Variants in COMMD3 observed in about 807,000 individuals in gnomAD.
COMMD3 encodes the protein COMM domain containing 3.
COMMD3 carries 31 observed loss-of-function variants against 31.2 expected under a neutral mutation model. The ratio of observed to expected loss-of-function variants is 0.99; its 90% CI spans 0.75 to 1.34. The LOEUF (loss-of-function observed/expected upper bound fraction) is 1.34. Among genes scored for constraint, COMMD3 ranks in the 40% most tolerant of loss-of-function variants. COMMD3 has a pLI of 0.00. For synonymous variants in COMMD3, 108 were observed against 87.3 expected (o/e 1.24, Z -1.32); for missense variants, 274 against 236.9 (o/e 1.16, Z -1.03).
At chr10:22,319,333 C>T (rs1020368524) in intron 7 of COMMD3, 5 of 238,784 alleles carry the variant, frequency 2.1e-5, no homozygotes, top group African/African-American at 1.1e-4. Flanking sequence ...AAATTAAGAG[C>T]ATGGCTTTGA....
rs1835939878 is a variant in COMMD3 at position 22,320,148 on chromosome 10, TA to T, written c.*155del. ...ATACCATTCATCAATTTTGACACTT[TA>T]AAAACGTGTGAAAGGGTTAAGAGGG... On this transcript the variant is annotated 3_prime_UTR_variant, in exon 8 of 8. Transcript: ENST00000376836. 1.9e-6 allele frequency: 3 copies of T among 1,541,388 alleles called. No individual in the cohort carries two copies. The Admixed American group carries it at 6.0e-5, about 31-fold the overall frequency.
intron 1 of COMMD3, 88 bp from the exon 2 acceptor site, chr10:22,317,796 T>TAAATA: frequency 6.8e-7 from 1 of 1,464,888 alleles, no homozygotes; most frequent in Non-Finnish European, 9.4e-7. Flanking sequence ...GTTAAAGGGT[T>TAAATA]TTTAAACCCA....
At chr10:22,319,285 C>T (rs900755724) in intron 7 of COMMD3, 25 of 330,944 alleles carry the variant, frequency 7.6e-5, no homozygotes, top group Admixed American at 3.6e-4. Flanking sequence ...GTGTAAATTT[C>T]TTCTATTCAT....
At position 22,316,574 on chromosome 10, in the gene COMMD3, G is replaced by A; in HGVS notation, c.139+18G>A. ...CGTGTTAGGTAAGCCGCTCGGCTCG[G>A]CTCGGAGCTGGATCCGCCGGGGTGG... On this transcript the variant is annotated intron_variant, in intron 1 of 7. Coordinates refer to ENST00000376836, the MANE Select transcript of COMMD3 (RefSeq NM_012071.4). The A allele has an allele frequency of 6.5e-7, 1 of 1,531,874 alleles. No individual in the cohort carries two copies. The highest frequency in any genetic ancestry group is 8.8e-7 in the Non-Finnish European group (1 of 1,136,166). The allele number at this position is 1,531,874 out of a possible 1,614,324, so 94.9% of individuals were successfully genotyped here.
In COMMD3 at chr10:22,317,980, A is replaced by T. The variant is rs1468194413; in HGVS notation, c.236A>T (p.Asp79Val). Residue 79 changes from aspartate (D) to valine (V), a missense_variant, in exon 2 of 8, where the codon GAC becomes GTC. Coordinates refer to ENST00000376836, the MANE Select transcript of COMMD3 (RefSeq NM_012071.4). The stretch of plus-strand genomic sequence containing the variant: ...CTAGAGGCAGGAAAGCACCGAGCTG[A>T]CAAGTCAACTCTAAGGTACAGGATT... ...YILEAGKHRA[D>V]KSTLSTYLED... The T allele has an allele frequency of 1.2e-6, 2 of 1,614,000 alleles. No individual in the cohort carries two copies. The highest frequency in any genetic ancestry group is 1.7e-6 in the Non-Finnish European group (2 of 1,179,928).
chr10:22,316,762 G>A, intron 1 of COMMD3: 1 of 781,624 alleles, frequency 1.3e-6, no homozygotes, highest in Non-Finnish European at 1.8e-6. Flanking sequence ...CTTGGCACCT[G>A]CATAGAGCCA....
chr10:22,318,839 T>C lies in COMMD3; in HGVS notation c.445T>C (p.Tyr149His). The C allele has an allele frequency of 1.2e-6, 2 of 1,613,958 alleles. No individual in the cohort carries two copies. The highest frequency in any genetic ancestry group is 1.1e-5 in the South Asian group (1 of 91,080). ...NQLHRMYRPA[Y>H]LVTLSVQNTD... ...ACTTCATAGGATGTACAGACCTGCATATTTGGTGACCTTAAGTGTACAGGT... is the reference window on the plus strand; with the variant it reads ...ACTTCATAGGATGTACAGACCTGCACATTTGGTGACCTTAAGTGTACAGGT... Residue 149 changes from tyrosine (Y) to histidine (H), a missense_variant, in exon 6 of 8, where the codon TAT (tyrosine) becomes CAT (histidine). By Grantham distance (83) the Tyr-to-His change is moderately conservative (BLOSUM62 2). Transcript: ENST00000376836.
chr10:22,317,759 G>A, intron 1 of COMMD3, 125 bp from the exon 2 acceptor site: 1 of 878,548 alleles, frequency 1.1e-6, no homozygotes, highest in Non-Finnish European at 1.7e-6. Flanking sequence ...ATAATTGACT[G>A]TCCTTATAGT....
In COMMD3 at chr10:22,318,690, T is replaced by G. The variant is rs774888071; in HGVS notation, c.388T>G (p.Trp130Gly). The change falls in exon 5 of 8, where the codon TGG (tryptophan) becomes GGG (glycine). Residue 130 changes from tryptophan to glycine, a missense_variant. Physicochemically the swap from Trp to Gly is radical, Grantham distance 184 (BLOSUM62 -2). Coordinates refer to ENST00000376836, the MANE Select transcript of COMMD3 (RefSeq NM_012071.4). ...RSLPHITDVS[W>G]RLEYQIKTNQ... ...TCTCCCTCATATAACGGATGTTTCT[T>G]GGCGCTTGGAATATCAGATAAAGGT... is the stretch of plus-strand genomic sequence containing the variant. 6.2e-7 allele frequency: 1 copy of G among 1,613,616 alleles called. No homozygotes were observed. Among genetic ancestry groups the G allele is most frequent in the Non-Finnish European group, 8.5e-7 (1 of 1,179,658 alleles).
intron 1 of COMMD3, chr10:22,317,599 G>C: frequency 4.1e-6 from 1 of 241,712 alleles, no homozygotes; most frequent in South Asian, 7.1e-5. Flanking sequence ...AATGACCATT[G>C]CATTGTTATA....
intron 4 of COMMD3, 128 bp downstream of exon 4, chr10:22,318,434 A>T (rs1564346169): frequency 7.5e-7 from 1 of 1,334,004 alleles, no homozygotes; most frequent in Non-Finnish European, 1.0e-6. Context: ...ATGTCAAGCA[A>T]TTGAAGTTAA....
chr10:22,320,037 A>C lies in COMMD3; in HGVS notation c.*39A>C. The C allele has an allele frequency of 6.2e-7, 1 of 1,614,028 alleles. No homozygotes were observed. Among genetic ancestry groups the C allele is most frequent in the Non-Finnish European group, 8.5e-7 (1 of 1,179,962 alleles). ...ACGATCCGCCCGAGTGCAGAGGAAA[A>C]CCAGAAACGCCTTGCCTTCAGCTGA... On this transcript the variant is annotated 3_prime_UTR_variant, in exon 8 of 8. Coordinates refer to ENST00000376836, the MANE Select transcript of COMMD3 (RefSeq NM_012071.4).
chr10:22,318,967 T>C lies in COMMD3; in HGVS notation c.477T>C (p.Asp159=). The C allele has an allele frequency of 6.2e-7, 1 of 1,613,128 alleles. No individual in the cohort carries two copies. Among genetic ancestry groups the C allele is most frequent in the East Asian group, 2.2e-5 (1 of 44,818 alleles). The change falls in exon 7 of 8, where the codon GAT becomes GAC. Residue 159 remains aspartate, a synonymous_variant. Coordinates refer to ENST00000376836, the MANE Select transcript of COMMD3 (RefSeq NM_012071.4). ...TTTTTTTCCTGCCCTAGAACACTGATTCCCCATCCTATCCAGAGATTAGTT... is the reference window on the plus strand; with the variant it reads ...TTTTTTTCCTGCCCTAGAACACTGACTCCCCATCCTATCCAGAGATTAGTT... The part of the protein sequence containing the change: ...YLVTLSVQNT[D]SPSYPEISFS...
At position 22,318,652 on chromosome 10, in the gene COMMD3, G is replaced by T; in HGVS notation, c.351-1G>T. 6.2e-7 allele frequency: 1 copy of T among 1,611,350 alleles called. No individual in the cohort carries two copies. The highest frequency in any genetic ancestry group is 1.1e-5 in the South Asian group (1 of 91,036). The stretch of plus-strand genomic sequence containing the variant: ...TACGAAGTTATCATTGCATCTTTCA[G>T]TATAGGCAGATCTCTCCCTCATATA... On this transcript the variant is annotated splice_acceptor_variant, in intron 4 of 7. Coordinates refer to ENST00000376836, the MANE Select transcript of COMMD3 (RefSeq NM_012071.4). LOFTEE classifies it high-confidence loss of function.
intron 3 of COMMD3, 31 bp from the exon 4 acceptor site, chr10:22,318,240 TC>T (rs1427321322): frequency 3.1e-6 from 5 of 1,592,208 alleles, no homozygotes; most frequent in African/African-American, 1.4e-5. Flanking sequence ...TGTTTTTTTT[TC>T]TTTCTTTCTT....
intron 3 of COMMD3, 26 bp from the exon 4 acceptor site, chr10:22,318,246 T>C (rs1300801385): frequency 6.3e-7 from 1 of 1,595,008 alleles, no homozygotes; most frequent in Admixed American, 1.8e-5. Flanking sequence ...TTTTTCTTTC[T>C]TTCTTGCTTT....
rs150360383 is a variant in COMMD3 at position 22,316,540 on chromosome 10, G to T, written c.123G>T (p.Ala41=). 1 of 1,548,644 alleles carries T rather than the reference G, an allele frequency of 6.5e-7. No homozygotes were observed. Among genetic ancestry groups the T allele is most frequent in the East Asian group, 2.5e-5 (1 of 40,758 alleles). Reference sequence around the variant, plus strand: ...TCCAGAGTCTGCTGGACGCCCAGGCGGACGAGGCCGTGTTAGGTAAGCCGC... The same window carrying T: ...TCCAGAGTCTGCTGGACGCCCAGGCTGACGAGGCCGTGTTAGGTAAGCCGC... ...AAFQSLLDAQ[A]DEAVLDHPDL... Residue 41 remains alanine (A), a synonymous_variant, in exon 1 of 8, where the codon GCG becomes GCT. Transcript: ENST00000376836.
chr10:22,316,667 G>A, intron 1 of COMMD3, 111 bp downstream of exon 1: 1 of 1,363,144 alleles, frequency 7.3e-7, no homozygotes, highest in Non-Finnish European at 9.5e-7. Context: ...GAAGTCTCCG[G>A]GCTTTGCCCT....
intron 7 of COMMD3, 144 bp downstream of exon 7, chr10:22,319,162 G>A: frequency 1.2e-6 from 1 of 857,970 alleles, no homozygotes; most frequent in Non-Finnish European, 1.7e-6. Context: ...TGGGAAAGGG[G>A]CATCAAAAGT....
Sources: allele counts gnomAD v4.1 joint callset, GRCh38; gene constraint gnomAD v4.1.1; transcripts MANE v1.5; gene names NCBI Gene and HGNC (gene_info 2026-07-23, HGNC 2026-07-21).